Variants in PSD3 observed in about 807,000 individuals in gnomAD.
The protein encoded by PSD3 is pleckstrin and Sec7 domain containing 3.
PSD3 carries 49 observed loss-of-function variants against 105.5 expected under a neutral mutation model. The ratio of observed to expected loss-of-function variants is 0.46; its 90% CI spans 0.37 to 0.59. The LOEUF (loss-of-function observed/expected upper bound fraction) is 0.59, where lower values mean the gene tolerates loss of function less well. Ranked by LOEUF, PSD3 falls within the 20% of genes least tolerant of loss-of-function variation. PSD3 has a pLI of 0.00. For missense variants in PSD3, 1,561 were observed against 1,263.8 expected, an observed-to-expected ratio of 1.24 and a Z score of -3.57; for synonymous variants, 557 against 457.8, an observed-to-expected ratio of 1.22 and a Z score of -2.77.
At chr8:18,895,998 C>A (rs1819125975) in intron 2 of PSD3, among the ~76,000 whole-genome samples, 1 of 152,178 alleles carries the variant, frequency 6.6e-6, no homozygotes, top group South Asian at 2.1e-4. Context: ...CTCTAGTAAC[C>A]ACTATTCTAC....
intron 2 of PSD3, among the ~76,000 whole-genome samples, chr8:18,880,959 T>C (rs1818063244): frequency 6.6e-6 from 1 of 152,204 alleles, no homozygotes; most frequent in Non-Finnish European, 1.5e-5. Flanking sequence ...AATGAAAATG[T>C]AGTGTAGAGT....
At chr8:18,775,562 G>A (rs945762725) in intron 8 of PSD3, among the ~76,000 whole-genome samples, 1 of 151,942 alleles carries the variant, frequency 6.6e-6, no homozygotes, top group African/African-American at 2.4e-5. Flanking sequence ...TATCTCCTGT[G>A]GTTTTGATTT....
At chr8:18,635,368 G>A (rs138523536) in intron 10 of PSD3, among the ~76,000 whole-genome samples, 22 of 152,126 alleles carry the variant, frequency 1.4e-4, no homozygotes, top group Non-Finnish European at 2.6e-4. Context: ...ACAAAGCTAG[G>A]GAGATACAGT....
In PSD3 at chr8:18,655,526, A is replaced by T. The variant is rs73589431; in HGVS notation, c.2216+116T>A. On this transcript the variant is annotated intron_variant, in intron 10 of 15. Transcript: ENST00000327040. ...CAAAGTAGGTAAGACACTTGGTGTA[A>T]AATGAGAATTGGCAATGCATATTTA... 5.5e-4 allele frequency: 535 copies of T among 974,510 alleles called. 2 individuals are homozygous for T. In the African/African-American group the frequency reaches 7.8e-3, roughly 14 times the overall value. 60.4% of individuals were successfully genotyped at this position (974,510 alleles called of 1,614,324 possible). A position where few individuals can be genotyped will look rare whatever the true frequency, so the allele number is the denominator to read the frequency against.
rs1243029454 is a variant in PSD3 at position 18,556,371 on chromosome 8, C to T, written c.2785-19G>A. On this transcript the variant is annotated intron_variant, in intron 14 of 15. Coordinates refer to ENST00000327040, the MANE Select transcript of PSD3 (RefSeq NM_015310.4). Reference sequence around the variant, plus strand: ...GCTCCTCCTGCAGGAAATCATGATGCCATTTAGCGTTCAAAAAAAAAACAA... The same window carrying T: ...GCTCCTCCTGCAGGAAATCATGATGTCATTTAGCGTTCAAAAAAAAAACAA... 3.8e-6 allele frequency: 6 copies of T among 1,594,304 alleles called. No individual in the cohort carries two copies. In the South Asian group the frequency reaches 5.7e-5, roughly 15 times the overall value.
intron 4 of PSD3, among the ~76,000 whole-genome samples, chr8:18,811,629 T>A (rs771748222): frequency 6.6e-6 from 1 of 152,106 alleles, no homozygotes; most frequent in African/African-American, 2.4e-5. Context: ...AAGGCAACAT[T>A]TGAGCAAGAT....
chr8:18,841,382 C>T (rs1814612618), intron 4 of PSD3, among the ~76,000 whole-genome samples: 1 of 152,146 alleles, frequency 6.6e-6, no homozygotes, highest in South Asian at 2.1e-4. Flanking sequence ...CATTCAGGCT[C>T]TCAACAAAGC....
chr8:18,701,076 T>C (rs1801549505), intron 9 of PSD3, among the ~76,000 whole-genome samples: 1 of 151,576 alleles, frequency 6.6e-6, no homozygotes, highest in Admixed American at 6.6e-5. Flanking sequence ...AGCAATCCTC[T>C]CACCCCAGCC....
At chr8:18,774,756 G>T in intron 8 of PSD3, 3 of 385,712 alleles carry the variant, frequency 7.8e-6, no homozygotes, top group South Asian at 5.8e-5. Flanking sequence ...GAGAACACAG[G>T]CAACAGATTT....
intron 8 of PSD3, among the ~76,000 whole-genome samples, chr8:18,768,426 C>G (rs1807215324): frequency 6.6e-6 from 1 of 152,052 alleles, no homozygotes. Flanking sequence ...GGTAACATCC[C>G]TCTCTAGAAA....
At chr8:19,026,293 A>G (rs886699347) in intron 1 of PSD3, among the ~76,000 whole-genome samples, 2 of 152,186 alleles carry the variant, frequency 1.3e-5, no homozygotes, top group Non-Finnish European at 2.9e-5. Context: ...AATAGGAAGG[A>G]TGGCCTTTTT....
At chr8:18,974,264 C>A (rs1166176080) in intron 1 of PSD3, among the ~76,000 whole-genome samples, 3 of 152,190 alleles carry the variant, frequency 2.0e-5, no homozygotes, top group African/African-American at 7.2e-5. Context: ...CAGACAGTGA[C>A]TAAAAACATG....
intron 2 of PSD3, among the ~76,000 whole-genome samples, chr8:18,903,282 G>C (rs143842076): frequency 6.6e-6 from 1 of 152,220 alleles, no homozygotes; most frequent in African/African-American, 2.4e-5. Flanking sequence ...CGGCAACTCG[G>C]GTCCCAGGGA....
intron 1 of PSD3, chr8:19,000,774 C>T (rs1001680618): frequency 2.0e-5 from 3 of 151,874 alleles, no homozygotes; most frequent in Admixed American, 6.6e-5. Context: ...TGCCGTTAGA[C>T]GAAGCTAAAT....
chr8:18,622,213 T>G (rs1308830025), intron 11 of PSD3, among the ~76,000 whole-genome samples: 1 of 152,206 alleles, frequency 6.6e-6, no homozygotes, highest in African/African-American at 2.4e-5. Context: ...GACTAAAGAA[T>G]CTATAAAAGA....
chr8:18,714,636 G>A (rs1242586636), intron 9 of PSD3, among the ~76,000 whole-genome samples: 3 of 152,210 alleles, frequency 2.0e-5, no homozygotes, highest in Non-Finnish European at 4.4e-5. Flanking sequence ...AACAACAGAT[G>A]CTGGTGAGGC....
chr8:18,785,810 G>T (rs374784218), intron 8 of PSD3, among the ~76,000 whole-genome samples: 1 of 152,142 alleles, frequency 6.6e-6, no homozygotes, highest in Non-Finnish European at 1.5e-5. Flanking sequence ...CAATACTGTT[G>T]TGTCTCAGGG....
At chr8:18,782,325 GA>G (rs1201794089) in intron 8 of PSD3, among the ~76,000 whole-genome samples, 5 of 152,046 alleles carry the variant, frequency 3.3e-5, no homozygotes, top group Admixed American at 3.3e-4. Context: ...GTTTCGAAGG[GA>G]AAGACATTTT....
intron 1 of PSD3, among the ~76,000 whole-genome samples, chr8:18,946,886 C>G (rs569065433): frequency 3.2e-4 from 48 of 150,676 alleles, no homozygotes; most frequent in African/African-American, 1.0e-3. Context: ...GCCTGCGCAA[C>G]AGAGCAAGAC....
Sources: gnomAD v4.1 joint callset for allele counts (sites outside exome capture counted in the v4.1 genomes callset) on GRCh38, gnomAD v4.1.1 for gene constraint, MANE v1.5 for transcripts, NCBI Gene and HGNC (gene_info 2026-07-23, HGNC 2026-07-21) for gene names.